Variants in PDE4D observed in about 807,000 individuals in gnomAD.
PDE4D encodes the protein phosphodiesterase 4D.
PDE4D carries 24 observed loss-of-function variants against 87.4 expected under a neutral mutation model. That is an observed-to-expected ratio of 0.27 (90% CI 0.20 to 0.39). The LOEUF (loss-of-function observed/expected upper bound fraction) is 0.39. Ranked by LOEUF, PDE4D falls within the 10% of genes least tolerant of loss-of-function variation. PDE4D has a pLI of 1.00. For synonymous variants in PDE4D, 384 were observed against 383.2 expected (o/e 1.00, Z -0.02); for missense variants, 714 against 1,041.0 (o/e 0.69, Z 4.32).
intron 3 of PDE4D, among the ~76,000 whole-genome samples, chr5:59,946,828 G>T (rs976179881): frequency 2.0e-5 from 3 of 152,048 alleles, no homozygotes; most frequent in Non-Finnish European, 4.4e-5. Flanking sequence ...ATCCTGAAGG[G>T]CCAGTAACTC....
intron 1 of PDE4D, among the ~76,000 whole-genome samples, chr5:59,523,452 C>A (rs144619085): frequency 6.6e-6 from 1 of 152,318 alleles, no homozygotes; most frequent in East Asian, 1.9e-4. Flanking sequence ...AGCTCCATAT[C>A]TGTGCTGGAG....
intron 1 of PDE4D, among the ~76,000 whole-genome samples, chr5:59,445,045 C>G (rs943125318): frequency 6.6e-6 from 1 of 152,162 alleles, no homozygotes; most frequent in Non-Finnish European, 1.5e-5. Flanking sequence ...ACCAAAACAT[C>G]TCTAAAACCA....
chr5:59,989,121 CA>C (rs1561950943), intron 2 of PDE4D, among the ~76,000 whole-genome samples: 3 of 76,064 alleles, frequency 3.9e-5, no homozygotes, highest in African/African-American at 1.2e-4. Context: ...TATATACACA[CA>C]CACACATACA....
rs145604023 is a variant in PDE4D, at chr5:60,006,355, G to A, written c.43-17638C>T. ...GCATATATTTGAAATTCTCAACTAC[G>A]TATTTTTAAGTATAAAAATGTATAA... On this transcript the variant is annotated intron_variant, in intron 2 of 16. Transcript: ENST00000502484. Among the ~76,000 whole-genome samples the A allele has an allele frequency of 9.9e-3, 1,505 of 151,880 alleles. 32 individuals are homozygous for A. Among genetic ancestry groups the A allele is most frequent in the African/African-American group, 0.035 (1,462 of 41,474 alleles).
At chr5:58,982,936 T>A (rs1182718982) in intron 11 of PDE4D, among the ~76,000 whole-genome samples, 1 of 152,216 alleles carries the variant, frequency 6.6e-6, no homozygotes, top group South Asian at 2.1e-4. Flanking sequence ...TTCAGAGAGA[T>A]CATTCACATA....
In PDE4D at chr5:59,092,074, G is replaced by A. The variant is rs117852609; in HGVS notation, c.809-53103C>T. On this transcript the variant is annotated intron_variant, in intron 5 of 14. Coordinates refer to ENST00000340635, the MANE Select transcript of PDE4D (RefSeq NM_001104631.2). ...TGAAATTGACAGCAAAGACAACAGA[G>A]CACACTTAATTGAATTTTAATCTCA... 2.0e-5 allele frequency among the ~76,000 whole-genome samples: 3 copies of A among 152,246 alleles called. No individual in the cohort carries two copies. The East Asian group carries it at 5.8e-4, about 29-fold the overall frequency.
At chr5:58,987,935 T>C (rs1746874342) in intron 11 of PDE4D, among the ~76,000 whole-genome samples, 1 of 151,754 alleles carries the variant, frequency 6.6e-6, no homozygotes, top group Admixed American at 6.6e-5. Flanking sequence ...CAGTCTCTAC[T>C]ATTCCTTATA....
intron 6 of PDE4D, among the ~76,000 whole-genome samples, chr5:59,030,951 C>T (rs796378040): frequency 2.0e-5 from 3 of 152,152 alleles, no homozygotes; most frequent in African/African-American, 7.2e-5. Flanking sequence ...ATCACCTAGG[C>T]ACTAAGCCCA....
chr5:59,025,024 C>CA lies in PDE4D; in HGVS notation c.921+13834dup, dbSNP rs35260023. On this transcript the variant is annotated intron_variant, in intron 6 of 14. Transcript: ENST00000340635. ...TATGAACAGCTCTGGCCAAAGTGGT[C>CA]AAAAAAAAAAAATTAGGACTTTAGT... Among the ~76,000 whole-genome samples the CA allele has an allele frequency of 2.9e-3, 407 of 141,914 alleles. 1 individual carries two copies. The highest frequency in any genetic ancestry group is 8.9e-3 in the African/African-American group (342 of 38,410). The allele number at this position is 141,914 out of a possible 152,430, so 93.1% of individuals were successfully genotyped here.
chr5:59,885,850 A>C (rs1342245020), intron 1 of PDE4D, among the ~76,000 whole-genome samples: 1 of 152,152 alleles, frequency 6.6e-6, no homozygotes, highest in Non-Finnish European at 1.5e-5. Flanking sequence ...CTATACTCAC[A>C]GTATCTCTTG....
rs56306218 is a variant in PDE4D, at chr5:59,081,518, T to TTAAAAAAAA, written c.809-42548_809-42547insTTTTTTTTA. Among the ~76,000 whole-genome samples, 634 of 135,410 alleles carry TTAAAAAAAA rather than the reference T, an allele frequency of 4.7e-3. 42 individuals are homozygous for TTAAAAAAAA. The highest frequency in any genetic ancestry group is 0.028 in the East Asian group (129 of 4,594). 88.8% of individuals were successfully genotyped at this position (135,410 alleles called of 152,430 possible). A position where few individuals can be genotyped will look rare whatever the true frequency, so the allele number is the denominator to read the frequency against. ...ACCTCATGACCAGGAAGTAATCAGG[T>TTAAAAAAAA]AAAAAAAAAAAAGAAAAAAAGTGGG... is the stretch of plus-strand genomic sequence containing the variant. On this transcript the variant is annotated intron_variant, in intron 5 of 14. Coordinates refer to ENST00000340635, the MANE Select transcript of PDE4D (RefSeq NM_001104631.2).
chr5:60,171,225 A>G (rs1177336703), intron 2 of PDE4D, among the ~76,000 whole-genome samples: 1 of 152,084 alleles, frequency 6.6e-6, no homozygotes, highest in Non-Finnish European at 1.5e-5. Flanking sequence ...GCAATAAACC[A>G]TATGAGAGAA....
intron 1 of PDE4D, among the ~76,000 whole-genome samples, chr5:59,337,790 G>T (rs1777987824): frequency 6.6e-6 from 1 of 152,122 alleles, no homozygotes; most frequent in South Asian, 2.1e-4. Context: ...ATGTCACGTT[G>T]TTTTTGCCTT....
intron 5 of PDE4D, among the ~76,000 whole-genome samples, chr5:59,058,964 T>A (rs1293392314): frequency 1.3e-5 from 2 of 152,148 alleles, no homozygotes. Flanking sequence ...ATAATGTAGC[T>A]TATTTTGTCA....
chr5:60,200,349 G>A (rs1439878325), intron 1 of PDE4D, among the ~76,000 whole-genome samples: 1 of 151,484 alleles, frequency 6.6e-6, no homozygotes, highest in Non-Finnish European at 1.5e-5. Flanking sequence ...ATGTTTTAGG[G>A]AAGACATCAG....
intron 1 of PDE4D, among the ~76,000 whole-genome samples, chr5:59,325,880 A>G (rs893309607): frequency 2.6e-5 from 4 of 152,066 alleles, no homozygotes; most frequent in Admixed American, 1.3e-4. Context: ...TTGAGTCACA[A>G]TGATAAACTA....
In PDE4D at chr5:59,215,895, T is replaced by C. The variant is rs757789550; in HGVS notation, c.529A>G (p.Ile177Val). 6.2e-7 allele frequency: 1 copy of C among 1,613,538 alleles called. No individual in the cohort carries two copies. Among genetic ancestry groups the C allele is most frequent in the South Asian group, 1.1e-5 (1 of 91,074 alleles). The change falls in exon 2 of 15, where the codon ATT becomes GTT. Residue 177 changes from isoleucine to valine, a missense_variant. Transcript: ENST00000340635. ...CTGTGGACAAAATTTGCTTGGAGAA[T>C]TAGCCCGGATCCTGGGCTGGTCATG... ...DPMTSPGSGLILQANFVHSQR... is the reference protein window; with the variant it reads ...DPMTSPGSGLVLQANFVHSQR...
intron 1 of PDE4D, among the ~76,000 whole-genome samples, chr5:59,249,058 A>G (rs1759421357): frequency 6.6e-6 from 1 of 152,130 alleles, no homozygotes; most frequent in African/African-American, 2.4e-5. Context: ...ATTGGAATAT[A>G]TAATTACAAT....
chr5:59,679,769 CTAAGTA>C (rs1238556067), intron 1 of PDE4D, among the ~76,000 whole-genome samples: 4 of 152,048 alleles, frequency 2.6e-5, no homozygotes, highest in Non-Finnish European at 4.4e-5. Flanking sequence ...TATAACAAGA[CTAAGTA>C]TAAGAACATC....
Sources: allele counts gnomAD v4.1 joint callset (sites outside exome capture counted in the v4.1 genomes callset), GRCh38; gene constraint gnomAD v4.1.1; transcripts MANE v1.5; gene names NCBI Gene and HGNC (gene_info 2026-07-23, HGNC 2026-07-21).